PLAUR: variants seen among roughly 807,000 people sequenced by gnomAD.
The protein encoded by PLAUR is urokinase plasminogen activator surface receptor.
In PLAUR, 22 loss-of-function variants were observed where a neutral mutation model predicts 33.4. The observed-to-expected ratio is 0.66, with a 90% confidence interval of 0.47 to 0.94. The LOEUF is 0.94. Among genes scored for constraint, PLAUR ranks in the 40% least tolerant of loss-of-function variants. The pLI, the probability that PLAUR is intolerant of heterozygous loss-of-function variation, is 0.00. For missense variants in PLAUR, 408 were observed against 434.7 expected (o/e 0.94, Z 0.55); for synonymous variants, 148 against 167.3 (o/e 0.88, Z 0.89).
Position 43,665,649 on chromosome 19 carries a change from A to C in PLAUR, c.167-190T>G, listed in dbSNP as rs537008979. ...CCCACCCCAACAAGGAGCCTGCTCT[A>C]TTTTATTTCAATTAATTAATTAATT... is the stretch of plus-strand genomic sequence containing the variant. On this transcript the variant is annotated intron_variant, in intron 2 of 6. Transcript: ENST00000340093. 2.8e-5 allele frequency among the ~76,000 whole-genome samples: 4 copies of C among 143,634 alleles called. No homozygotes were observed. In the South Asian group the frequency reaches 9.4e-4, roughly 34 times the overall value. 94.2% of individuals were successfully genotyped at this position (143,634 alleles called of 152,430 possible).
intron 1 of PLAUR, 85 bp from the exon 2 acceptor site, chr19:43,667,776 C>T (rs1235061082): frequency 6.5e-7 from 1 of 1,539,006 alleles, no homozygotes; most frequent in Non-Finnish European, 8.8e-7. Flanking sequence ...CCAATACCAA[C>T]ACCAAGTCTC....
chr19:43,669,060 G>A (rs865866056), intron 1 of PLAUR, among the ~76,000 whole-genome samples: 1 of 152,298 alleles, frequency 6.6e-6, no homozygotes, highest in East Asian at 1.9e-4. Flanking sequence ...CTCATTCCCG[G>A]CCTCCCGCGG....
At chr19:43,653,748 G>A (rs2146212620) in intron 5 of PLAUR, among the ~76,000 whole-genome samples, 1 of 152,340 alleles carries the variant, frequency 6.6e-6, no homozygotes, top group African/African-American at 2.4e-5. Flanking sequence ...GGGAGGTCAA[G>A]GCAGAAGGAT....
chr19:43,648,245 G>A (rs1458270904), downstream of PLAUR, among the ~76,000 whole-genome samples: 1 of 151,876 alleles, frequency 6.6e-6, no homozygotes, highest in African/African-American at 2.4e-5. Context: ...GTGCAATCTC[G>A]GCTCACTGCA....
chr19:43,659,238 G>A (rs546573902), intron 3 of PLAUR, among the ~76,000 whole-genome samples: 1 of 132,126 alleles, frequency 7.6e-6, no homozygotes, highest in Non-Finnish European at 1.5e-5. Flanking sequence ...CTGCCACCTC[G>A]ACCTCCCTGA....
chr19:43,662,272 T>C (rs4251840), intron 3 of PLAUR, among the ~76,000 whole-genome samples: 104,711 of 151,668 alleles, frequency 0.69, 36,233 homozygotes, highest in East Asian at 0.73. Flanking sequence ...CCGAGGTGGG[T>C]GGATCACGAG....
intron 3 of PLAUR, among the ~76,000 whole-genome samples, chr19:43,663,807 A>T (rs1967112332): frequency 6.6e-6 from 1 of 150,720 alleles, no homozygotes; most frequent in African/African-American, 2.5e-5. Flanking sequence ...CAAAAAAAAA[A>T]AACAAAAACA....
At chr19:43,647,032 G>A (rs973669602), downstream of PLAUR, among the ~76,000 whole-genome samples, 8 of 152,012 alleles carry the variant, frequency 5.3e-5, no homozygotes, top group Admixed American at 3.3e-4. Flanking sequence ...TGCCCACCTC[G>A]GCCTCCCAAA....
At chr19:43,655,302 C>A in intron 5 of PLAUR, 137 bp downstream of exon 5, 2 of 562,050 alleles carry the variant, frequency 3.6e-6, no homozygotes, top group East Asian at 3.7e-5. Flanking sequence ...AAAAAAAAGG[C>A]CTGATACTCC....
Position 43,648,673 on chromosome 19 carries a change from A to G in PLAUR, c.*217T>C, listed in dbSNP as rs1800014268. Reference sequence around the variant, plus strand: ...AACAGCGGCAACAATATTAATAATAACAAGAGCTCTCCCATTGGCCCACGG... The same window carrying G: ...AACAGCGGCAACAATATTAATAATAGCAAGAGCTCTCCCATTGGCCCACGG... On this transcript the variant is annotated 3_prime_UTR_variant, in exon 7 of 7. Coordinates refer to ENST00000340093, the MANE Select transcript of PLAUR (RefSeq NM_002659.4). 1 of 774,904 alleles carries G rather than the reference A, an allele frequency of 1.3e-6. No individual in the cohort carries two copies. The highest frequency in any genetic ancestry group is 1.9e-6 in the Non-Finnish European group (1 of 531,684). The allele number at this position is 774,904 out of a possible 1,614,324, so 48.0% of individuals were successfully genotyped here.
At position 43,648,795 on chromosome 19, in the gene PLAUR, C is replaced by T; in HGVS notation, c.*95G>A. 2 of 1,345,168 alleles carry T rather than the reference C, an allele frequency of 1.5e-6. No individual in the cohort carries two copies. Among genetic ancestry groups the T allele is most frequent in the South Asian group, 1.3e-5 (1 of 74,628 alleles). The allele number at this position is 1,345,168 out of a possible 1,614,324, so 83.3% of individuals were successfully genotyped here. ...AGGCCCAGAGAGGTCGGCACACTGG[C>T]CTGAGGTCACACAGCAAGTCTGTAG... On this transcript the variant is annotated 3_prime_UTR_variant, in exon 7 of 7. Coordinates refer to ENST00000340093, the MANE Select transcript of PLAUR (RefSeq NM_002659.4).
At chr19:43,650,008 C>CTTTTT (rs200384971) in intron 6 of PLAUR, among the ~76,000 whole-genome samples, 8 of 137,374 alleles carry the variant, frequency 5.8e-5, no homozygotes, top group Admixed American at 7.3e-5. Flanking sequence ...TCTCATTACG[C>CTTTTT]TTTTTTTTTG....
intron 6 of PLAUR, chr19:43,651,787 C>G: frequency 5.1e-6 from 5 of 990,006 alleles, no homozygotes; most frequent in Non-Finnish European, 6.0e-6. Flanking sequence ...GTTTGAGAAC[C>G]ACTGGAATAC....
chr19:43,654,852 G>A (rs575258517), intron 5 of PLAUR, among the ~76,000 whole-genome samples: 5 of 152,272 alleles, frequency 3.3e-5, no homozygotes, highest in East Asian at 1.9e-4. Flanking sequence ...AGAAGTCAGC[G>A]TGGCTCAGCC....
intron 3 of PLAUR, among the ~76,000 whole-genome samples, chr19:43,662,952 A>G (rs1360577363): frequency 6.6e-6 from 1 of 152,092 alleles, no homozygotes; most frequent in East Asian, 1.9e-4. Context: ...GGGCCTCCCA[A>G]AGTGTTGGGA....
At chr19:43,660,188 CAG>C (rs1966912106) in intron 3 of PLAUR, among the ~76,000 whole-genome samples, 1 of 107,674 alleles carries the variant, frequency 9.3e-6, no homozygotes. Context: ...TGTTTTGAGA[CAG>C]AGTCTTGCCC....
intron 2 of PLAUR, chr19:43,667,352 TG>T: frequency 1.7e-6 from 1 of 578,160 alleles, no homozygotes; most frequent in Non-Finnish European, 3.1e-6. Flanking sequence ...TCTAAGTGGT[TG>T]ATGTGCCAAT....
At chr19:43,665,497 C>G (rs1313871343) in intron 2 of PLAUR, 38 bp from the exon 3 acceptor site, 1 of 1,608,328 alleles carries the variant, frequency 6.2e-7, no homozygotes, top group African/African-American at 1.3e-5. Flanking sequence ...AGAGGCTCCT[C>G]TCAGCTCAAC....
intron 3 of PLAUR, among the ~76,000 whole-genome samples, chr19:43,657,647 T>C (rs1465602001): frequency 2.0e-5 from 3 of 152,222 alleles, no homozygotes; most frequent in Non-Finnish European, 2.9e-5. Flanking sequence ...CATCCCACTC[T>C]GGGTGGTCAC....
Sources: allele counts gnomAD v4.1 joint callset (sites outside exome capture counted in the v4.1 genomes callset), GRCh38; gene constraint gnomAD v4.1.1; transcripts MANE v1.5; gene names NCBI Gene and HGNC (gene_info 2026-07-23, HGNC 2026-07-21).